ALK: variants seen among roughly 807,000 people sequenced by gnomAD.
ALK encodes ALK receptor tyrosine kinase.
A neutral mutation model predicts 163.1 loss-of-function variants in ALK; 74 were observed. The observed-to-expected ratio is 0.45, with a 90% CI of 0.38 to 0.55. ALK has a LOEUF of 0.55. Among genes scored for constraint, ALK ranks in the 20% least tolerant of loss-of-function variants. The pLI, the probability that ALK is intolerant of heterozygous loss-of-function variation, is 0.00. For missense variants in ALK, 2,063 were observed against 2,105.3 expected, an observed-to-expected ratio of 0.98 and a Z score of 0.39; for synonymous variants, 960 against 843.2, an observed-to-expected ratio of 1.14 and a Z score of -2.40.
chr2:29,228,272 T>C (rs910126027), intron 16 of ALK, among the ~76,000 whole-genome samples: 8 of 152,206 alleles, frequency 5.3e-5, no homozygotes, highest in African/African-American at 1.9e-4. Context: ...AGAGCATGCA[T>C]GCATTCGTCC....
chr2:29,273,683 A>G (rs7587031), intron 11 of ALK, among the ~76,000 whole-genome samples: 135,392 of 152,214 alleles, frequency 0.89, 61,533 homozygotes, highest in Non-Finnish European at 0.99. Flanking sequence ...CTGTGTAATC[A>G]GTGCTGTTGA....
intron 3 of ALK, among the ~76,000 whole-genome samples, chr2:29,671,762 C>T (rs1488275945): frequency 1.3e-5 from 2 of 151,996 alleles, no homozygotes; most frequent in African/African-American, 2.4e-5. Flanking sequence ...TCAAGTGTTG[C>T]TAGTGAAAAT....
chr2:29,275,112 G>A lies in ALK; in HGVS notation c.2028C>T (p.Ile676=), dbSNP rs772973901. Residue 676 remains isoleucine (I), a synonymous_variant, in exon 11 of 29, where the codon ATC becomes ATT. Coordinates refer to ENST00000389048, the MANE Select transcript of ALK (RefSeq NM_004304.5). ...CTGAACCCTTACCTGTAGGGTCAAA[G>A]ATGGGGGTCTGTCTTGGTGAATTTT... ...PGENSPRQTP[I]FDPTVHWLFT... is the part of the protein sequence containing the mutation. 8 of 1,614,020 alleles carry A rather than the reference G, an allele frequency of 5.0e-6. No individual in the cohort carries two copies. In the African/African-American group the frequency reaches 1.1e-4, roughly 22 times the overall value.
At chr2:29,551,514 C>T (rs114056058) in intron 3 of ALK, among the ~76,000 whole-genome samples, 2,403 of 152,164 alleles carry the variant, frequency 0.016, 66 homozygotes, top group African/African-American at 0.056. Context: ...GGTGACCTCC[C>T]ATAGCCACAA....
At chr2:29,217,076 G>A (rs1669644064) in intron 23 of ALK, among the ~76,000 whole-genome samples, 1 of 144,810 alleles carries the variant, frequency 6.9e-6, no homozygotes, top group Non-Finnish European at 1.5e-5. Context: ...TATGTGTAGT[G>A]TATGTAAGTG....
intron 1 of ALK, among the ~76,000 whole-genome samples, chr2:29,783,171 A>G (rs1663887678): frequency 6.6e-6 from 1 of 152,196 alleles, no homozygotes; most frequent in Non-Finnish European, 1.5e-5. Context: ...TCTCTCATCT[A>G]CATCATAATC....
intron 1 of ALK, among the ~76,000 whole-genome samples, chr2:29,751,693 G>A (rs983378487): frequency 1.3e-5 from 2 of 152,048 alleles, no homozygotes; most frequent in Non-Finnish European, 2.9e-5. Flanking sequence ...CGAAACTTAG[G>A]GACAATTCTG....
chr2:29,716,533 C>T (rs1679259968), intron 2 of ALK, among the ~76,000 whole-genome samples: 1 of 152,060 alleles, frequency 6.6e-6, no homozygotes, highest in African/African-American at 2.4e-5. Flanking sequence ...GAATCTTATA[C>T]CATGTAAAGG....
rs111968497 is a variant in ALK, at chr2:29,595,360, A to G, written c.953-63244T>C. 1.9e-3 allele frequency among the ~76,000 whole-genome samples: 255 copies of G among 136,620 alleles called. 3 individuals carry two copies. The highest frequency in any genetic ancestry group is 6.7e-3 in the African/African-American group (234 of 35,008). 89.6% of individuals were successfully genotyped at this position (136,620 alleles called of 152,430 possible). On this transcript the variant is annotated intron_variant, in intron 3 of 28. Transcript: ENST00000389048. Reference sequence around the variant, plus strand: ...TTTTTTGAGACAGAGTCTCGCTGTCACCCAGGCTGGGGTCCAGCTGCACGA... The same window carrying G: ...TTTTTTGAGACAGAGTCTCGCTGTCGCCCAGGCTGGGGTCCAGCTGCACGA...
chr2:29,710,913 G>C (rs562413756), intron 2 of ALK, among the ~76,000 whole-genome samples: 2 of 152,268 alleles, frequency 1.3e-5, no homozygotes, highest in Admixed American at 6.5e-5. Context: ...TGGCTGTCTT[G>C]AAGGCATTTC....
intron 5 of ALK, among the ~76,000 whole-genome samples, chr2:29,365,022 T>G (rs1302540889): frequency 2.6e-5 from 4 of 152,216 alleles, no homozygotes; most frequent in African/African-American, 9.7e-5. Context: ...TAATGATTCC[T>G]ATTTTGCAAT....
At chr2:29,340,377 G>A (rs1481483374) in intron 5 of ALK, among the ~76,000 whole-genome samples, 1 of 152,180 alleles carries the variant, frequency 6.6e-6, no homozygotes, top group Non-Finnish European at 1.5e-5. Flanking sequence ...CATTCAGGCT[G>A]GAGGAATAAA....
At chr2:29,284,716 C>T (rs1665805833) in intron 9 of ALK, among the ~76,000 whole-genome samples, 1 of 152,170 alleles carries the variant, frequency 6.6e-6, no homozygotes, top group Non-Finnish European at 1.5e-5. Context: ...ATTTAAAGCT[C>T]AGAATTGCTA....
At chr2:29,633,469 G>C (rs1455021551) in intron 3 of ALK, among the ~76,000 whole-genome samples, 1 of 151,764 alleles carries the variant, frequency 6.6e-6, no homozygotes, top group Non-Finnish European at 1.5e-5. Context: ...CATTAGAAAA[G>C]AATACAATTC....
chr2:29,563,290 G>A (rs550034781), intron 3 of ALK, among the ~76,000 whole-genome samples: 84 of 152,298 alleles, frequency 5.5e-4, no homozygotes, highest in Middle Eastern at 6.8e-3. Context: ...TACAGAACGG[G>A]AACACCTAGC....
chr2:29,214,615 G>C (rs1669552092), intron 23 of ALK, among the ~76,000 whole-genome samples: 1 of 152,154 alleles, frequency 6.6e-6, no homozygotes. Context: ...GGAAATGCTG[G>C]GCAATTATGA....
chr2:29,821,959 G>C (rs999054025), intron 1 of ALK, among the ~76,000 whole-genome samples: 16 of 152,146 alleles, frequency 1.1e-4, no homozygotes, highest in African/African-American at 3.9e-4. Flanking sequence ...CTACCTATTA[G>C]AAAGGAAAGG....
At position 29,859,035 on chromosome 2, in the gene ALK, A is replaced by AAAAC. The variant is rs70962243; in HGVS notation, c.667+60954_667+60957dup. Among the ~76,000 whole-genome samples the AAAAC allele has an allele frequency of 9.2e-3, 1,394 of 150,772 alleles. 8 individuals are homozygous for AAAAC. Among genetic ancestry groups the AAAAC allele is most frequent in the African/African-American group, 0.017 (693 of 41,038 alleles). On this transcript the variant is annotated intron_variant, in intron 1 of 28. Transcript: ENST00000389048. ...GCAACAGAGCAAGACTCTGTCTCAAAAAACAAACAAACAAACAAACAAAAA... is the reference window on the plus strand; with the variant it reads ...GCAACAGAGCAAGACTCTGTCTCAAAAAACAAACAAACAAACAAACAAACAAAAA...
chr2:29,473,724 A>T (rs1228001255), intron 4 of ALK, among the ~76,000 whole-genome samples: 1 of 152,070 alleles, frequency 6.6e-6, no homozygotes, highest in Non-Finnish European at 1.5e-5. Context: ...AAAATACAAA[A>T]ATTAGCCTGT....
Sources: allele counts gnomAD v4.1 joint callset (sites outside exome capture counted in the v4.1 genomes callset), GRCh38; gene constraint gnomAD v4.1.1; transcripts MANE v1.5; gene names NCBI Gene and HGNC (gene_info 2026-07-23, HGNC 2026-07-21).